Variants in SPATA6L observed in about 807,000 individuals in gnomAD.
The protein encoded by SPATA6L is spermatogenesis associated 6 like.
In SPATA6L, 68 loss-of-function variants were observed where a neutral mutation model predicts 49.2. The observed-to-expected ratio is 1.38, with a 90% CI of 1.14 to 1.69. The LOEUF (loss-of-function observed/expected upper bound fraction) is 1.69. SPATA6L is among the 40% of genes most tolerant of loss of function. The probability of loss-of-function intolerance (pLI) is 0.00; values close to 1 mark genes in which losing one functional copy is unlikely to be tolerated. For synonymous variants in SPATA6L, 198 were observed against 165.7 expected (o/e 1.19, Z -1.50); for missense variants, 668 against 464.3 (o/e 1.44, Z -4.03).
intron 2 of SPATA6L, among the ~76,000 whole-genome samples, chr9:4,659,648 T>C (rs911265850): frequency 3.3e-5 from 5 of 152,178 alleles, no homozygotes; most frequent in African/African-American, 1.2e-4. Context: ...AAGCTACCAA[T>C]GACTTTCTTC....
chr9:4,612,256 G>C (rs1826939528), intron 9 of SPATA6L, among the ~76,000 whole-genome samples: 1 of 152,074 alleles, frequency 6.6e-6, no homozygotes. Context: ...TTACAGGTGT[G>C]AGCCACTACA....
intron 1 of SPATA6L, 102 bp downstream of exon 1, chr9:4,666,109 GT>G: frequency 9.9e-7 from 1 of 1,010,478 alleles, no homozygotes; most frequent in Admixed American, 1.7e-5. Context: ...ATAATGATGT[GT>G]TTGTGGTAAG....
chr9:4,595,279 T>C (rs1472202643), downstream of SPATA6L, among the ~76,000 whole-genome samples: 1 of 152,108 alleles, frequency 6.6e-6, no homozygotes, highest in African/African-American at 2.4e-5. Context: ...CTAAAATAAG[T>C]TGTCTCATGA....
At position 4,618,046 on chromosome 9, in the gene SPATA6L, C is replaced by G; in HGVS notation, c.872G>C (p.Ser291Thr). 6.2e-7 allele frequency: 1 copy of G among 1,614,050 alleles called. No individual in the cohort carries two copies. The highest frequency in any genetic ancestry group is 1.1e-5 in the South Asian group (1 of 91,058). The stretch of plus-strand genomic sequence containing the variant: ...ACTGGATGAAGACTTTCCAAACTGA[C>G]TTGAATCTAAACATGATGATGAGTC... ...RSDSSSCLDS[S>T]QFGKSSSSKQ... The change falls in exon 9 of 12, where the codon AGT becomes ACT. Residue 291 changes from serine (S) to threonine (T), a missense_variant. Ser to Thr is a moderately conservative substitution (Grantham distance 58, BLOSUM62 1). Coordinates refer to ENST00000682582, the MANE Select transcript of SPATA6L (RefSeq NM_001353486.2).
chr9:4,663,221 C>G (rs1378703957), intron 1 of SPATA6L: 5 of 1,614,150 alleles, frequency 3.1e-6, no homozygotes, highest in Non-Finnish European at 4.2e-6. Flanking sequence ...GGCTCTCACC[C>G]CATAATGCTC....
chr9:4,621,814 G>C (rs1829374726), intron 7 of SPATA6L, among the ~76,000 whole-genome samples: 1 of 152,122 alleles, frequency 6.6e-6, no homozygotes, highest in Non-Finnish European at 1.5e-5. Context: ...TTTTAAAAAT[G>C]TATCAGTTTT....
intron 3 of SPATA6L, among the ~76,000 whole-genome samples, chr9:4,643,838 C>G (rs150839369): frequency 2.2e-3 from 339 of 152,102 alleles, no homozygotes; most frequent in South Asian, 5.8e-3. Flanking sequence ...AACCCTGACT[C>G]TACAAAAAAT....
chr9:4,654,628 G>T (rs140526101), intron 3 of SPATA6L, among the ~76,000 whole-genome samples: 1 of 152,216 alleles, frequency 6.6e-6, no homozygotes, highest in African/African-American at 2.4e-5. Context: ...TTGAGTGGGG[G>T]TAGCTTTCAG....
chr9:4,655,904 A>T (rs1838044960), intron 3 of SPATA6L, 137 bp downstream of exon 3: 3 of 744,004 alleles, frequency 4.0e-6, no homozygotes, highest in South Asian at 1.8e-5. Flanking sequence ...ATGTGATTCA[A>T]ATTTTACGTA....
intron 3 of SPATA6L, among the ~76,000 whole-genome samples, chr9:4,648,527 C>T (rs301480): frequency 0.2 from 29,595 of 151,038 alleles, 4,699 homozygotes; most frequent in African/African-American, 0.44. Flanking sequence ...GGTGAAACCC[C>T]GTCTCTACTA....
At chr9:4,644,442 G>C (rs1434749068) in intron 3 of SPATA6L, among the ~76,000 whole-genome samples, 5 of 151,760 alleles carry the variant, frequency 3.3e-5, no homozygotes. Flanking sequence ...AAAAAACTAT[G>C]CTATGTAAAA....
At chr9:4,654,432 T>C (rs1240707859) in intron 3 of SPATA6L, among the ~76,000 whole-genome samples, 2 of 152,176 alleles carry the variant, frequency 1.3e-5, no homozygotes, top group Admixed American at 6.5e-5. Context: ...GGTGAATGTT[T>C]ACAGCTTGTG....
At chr9:4,613,917 A>G (rs1827364934) in intron 9 of SPATA6L, among the ~76,000 whole-genome samples, 1 of 152,102 alleles carries the variant, frequency 6.6e-6, no homozygotes, top group African/African-American at 2.4e-5. Context: ...AGGAATAGAA[A>G]TATGTTGAAG....
chr9:4,619,761 G>A (rs111309852), intron 7 of SPATA6L, among the ~76,000 whole-genome samples: 1 of 152,010 alleles, frequency 6.6e-6, no homozygotes, highest in South Asian at 2.1e-4. Flanking sequence ...TAGCAAAAAT[G>A]GAAATCACTA....
intron 2 of SPATA6L, among the ~76,000 whole-genome samples, chr9:4,658,586 C>T (rs375449666): frequency 6.6e-6 from 1 of 152,144 alleles, no homozygotes; most frequent in Non-Finnish European, 1.5e-5. Context: ...ATAGTGGCAT[C>T]TGAAATGTGA....
At chr9:4,656,988 G>C (rs534708478) in intron 2 of SPATA6L, among the ~76,000 whole-genome samples, 30 of 152,260 alleles carry the variant, frequency 2.0e-4, no homozygotes, top group African/African-American at 7.0e-4. Flanking sequence ...AGTCTCAAAA[G>C]TTTTAAGTGT....
At chr9:4,663,857 T>G (rs998217198) in intron 1 of SPATA6L, 7 of 167,036 alleles carry the variant, frequency 4.2e-5, no homozygotes, top group African/African-American at 1.7e-4. Context: ...TCTCTATAAT[T>G]TATTATCTCT....
chr9:4,644,347 A>AT (rs1554731326), intron 3 of SPATA6L, among the ~76,000 whole-genome samples: 1 of 151,612 alleles, frequency 6.6e-6, no homozygotes, highest in Non-Finnish European at 1.5e-5. Context: ...TGTCTCAAAA[A>AT]ATATATATAA....
At chr9:4,604,945 T>C (rs1489099758) in intron 10 of SPATA6L, among the ~76,000 whole-genome samples, 2 of 152,246 alleles carry the variant, frequency 1.3e-5, no homozygotes, top group African/African-American at 4.8e-5. Context: ...TTCTTCCATG[T>C]TGTGGCCTTA....
Sources: gnomAD v4.1 joint callset for allele counts (sites outside exome capture counted in the v4.1 genomes callset) on GRCh38, gnomAD v4.1.1 for gene constraint, MANE v1.5 for transcripts, NCBI Gene and HGNC (gene_info 2026-07-23, HGNC 2026-07-21) for gene names.